RAB27B: variants seen among roughly 807,000 people sequenced by gnomAD.
RAB27B encodes the protein ras-related protein Rab-27B.
RAB27B carries 15 observed loss-of-function variants against 24.6 expected under a neutral mutation model. The ratio of observed to expected loss-of-function variants is 0.61; its 90% CI spans 0.41 to 0.94. The LOEUF (loss-of-function observed/expected upper bound fraction) is 0.94, where lower values mean the gene tolerates loss of function less well. RAB27B is among the 40% of genes least tolerant of loss of function. RAB27B has a pLI of 0.00. For missense variants in RAB27B, 261 were observed against 266.8 expected (o/e 0.98, Z 0.15); for synonymous variants, 105 against 92.5 (o/e 1.14, Z -0.78).
In RAB27B at chr18:54,865,529, T is replaced by C. The variant is rs73487399; in HGVS notation, c.-19-12038T>C. Among the ~76,000 whole-genome samples, 529 of 152,324 alleles carry C rather than the reference T, an allele frequency of 3.5e-3. 2 individuals carry two copies. Among genetic ancestry groups the C allele is most frequent in the African/African-American group, 0.012 (491 of 41,560 alleles). On this transcript the variant is annotated intron_variant, in intron 1 of 5. Transcript: ENST00000262094. ...TCCAACCATAAAAGAGTTATTCTTC[T>C]TTTGGCTTAATAAGCTGTAAATTGG...
upstream of RAB27B, among the ~76,000 whole-genome samples, chr18:54,824,979 A>G (rs187725970): frequency 6.6e-6 from 1 of 152,204 alleles, no homozygotes; most frequent in Non-Finnish European, 1.5e-5. Context: ...CTTGATTTAT[A>G]AGCTTGTTTG....
Position 54,813,404 on chromosome 18 carries a change from G to A in RAB27B, c.-19-64163G>A, listed in dbSNP as rs1910027546. Among the ~76,000 whole-genome samples, 4 of 152,188 alleles carry A rather than the reference G, an allele frequency of 2.6e-5. No individual in the cohort carries two copies. In the South Asian group the frequency reaches 8.3e-4, roughly 31 times the overall value. ...TTGAAATGTGATCCCCAGGTTGACAGTGGGATGTAGTGGGAGGTGTTGGGT... is the reference window on the plus strand; with the variant it reads ...TTGAAATGTGATCCCCAGGTTGACAATGGGATGTAGTGGGAGGTGTTGGGT... On this transcript the variant is annotated intron_variant, in intron 2 of 4. Transcript: ENST00000586570.
chr18:54,822,706 A>G (rs900412379), intron 2 of RAB27B, among the ~76,000 whole-genome samples: 1 of 152,088 alleles, frequency 6.6e-6, no homozygotes, highest in Non-Finnish European at 1.5e-5. Flanking sequence ...CTTCTCTTTA[A>G]CTAGTTTTTA....
At chr18:54,766,771 A>G (rs1045537562) in intron 2 of RAB27B, among the ~76,000 whole-genome samples, 19 of 152,182 alleles carry the variant, frequency 1.2e-4, no homozygotes, top group African/African-American at 4.3e-4. Flanking sequence ...CCCAGAGATA[A>G]TGAACTCAGG....
intron 2 of RAB27B, among the ~76,000 whole-genome samples, chr18:54,718,667 T>C (rs1909266165): frequency 6.6e-6 from 1 of 152,208 alleles, no homozygotes; most frequent in Admixed American, 6.5e-5. Flanking sequence ...CCACAGCTAG[T>C]AGATGGCACA....
At chr18:54,869,151 T>C (rs1912366482) in intron 1 of RAB27B, among the ~76,000 whole-genome samples, 1 of 152,238 alleles carries the variant, frequency 6.6e-6, no homozygotes, top group South Asian at 2.1e-4. Context: ...TAATACTAGC[T>C]CTTTGCTTTC....
chr18:54,892,160 A>G lies in RAB27B; in HGVS notation c.*2747A>G, dbSNP rs1486403013. ...ATGTCCTGTTACTAAGTATCTCCCAATGCTTTAGTAAAACGTATTTAGGAG... is the reference window on the plus strand; with the variant it reads ...ATGTCCTGTTACTAAGTATCTCCCAGTGCTTTAGTAAAACGTATTTAGGAG... On this transcript the variant is annotated 3_prime_UTR_variant, in exon 6 of 6. Transcript: ENST00000262094. The G allele has an allele frequency of 6.6e-6, 1 of 152,092 alleles. No homozygotes were observed. Among genetic ancestry groups the G allele is most frequent in the African/African-American group, 2.4e-5 (1 of 41,438 alleles). The allele number at this position is 152,092 out of a possible 1,614,324, so 9.4% of individuals were successfully genotyped here.
At chr18:54,758,739 C>G (rs1908088056) in intron 2 of RAB27B, among the ~76,000 whole-genome samples, 1 of 151,860 alleles carries the variant, frequency 6.6e-6, no homozygotes, top group Non-Finnish European at 1.5e-5. Flanking sequence ...CTCAGAAAAC[C>G]TCCCTGAAAT....
In RAB27B at chr18:54,889,409, G is replaced by A. The variant is rs1913277912; in HGVS notation, c.653G>A (p.Cys218Tyr). Residue 218 changes from cysteine (C) to tyrosine (Y), a missense_variant, in exon 6 of 6, where the codon TGC (cysteine) becomes TAC (tyrosine). By Grantham distance (194) the Cys-to-Tyr change is radical (BLOSUM62 -2). Transcript: ENST00000262094. ...AAGCCACCAGAGAAGAAATGTATCT[G>A]CTAGACTCTACATAGAAACTGAACA... ...GEKPPEKKCI[C>Y] 1.9e-6 allele frequency: 3 copies of A among 1,608,946 alleles called. No homozygotes were observed. The highest frequency in any genetic ancestry group is 2.2e-5 in the South Asian group (2 of 90,100).
intron 2 of RAB27B, among the ~76,000 whole-genome samples, chr18:54,791,813 C>T (rs1048333101): frequency 6.6e-6 from 1 of 152,138 alleles, no homozygotes; most frequent in Non-Finnish European, 1.5e-5. Flanking sequence ...CTAGAGCGCA[C>T]GCTGGCTGAA....
chr18:54,768,740 G>A (rs1410179624), intron 2 of RAB27B, among the ~76,000 whole-genome samples: 1 of 152,132 alleles, frequency 6.6e-6, no homozygotes, highest in Admixed American at 6.6e-5. Context: ...GGAGAAGCAG[G>A]CACCTTTGTC....
intron 2 of RAB27B, among the ~76,000 whole-genome samples, chr18:54,735,423 C>T (rs1346207854): frequency 6.6e-6 from 1 of 152,182 alleles, no homozygotes; most frequent in Non-Finnish European, 1.5e-5. Context: ...TTATCTGGGA[C>T]AGAGCTGTGC....
At chr18:54,769,552 TAGC>T (rs769108822) in intron 2 of RAB27B, among the ~76,000 whole-genome samples, 9 of 152,192 alleles carry the variant, frequency 5.9e-5, no homozygotes, top group Non-Finnish European at 1.0e-4. Flanking sequence ...TTGGTTTTGT[TAGC>T]AGCATATTTT....
chr18:54,889,099 C>A (rs1913260343), intron 5 of RAB27B, 125 bp from the exon 6 acceptor site: 2 of 936,942 alleles, frequency 2.1e-6, no homozygotes, highest in African/African-American at 1.7e-5. Flanking sequence ...ACTTAGCCAG[C>A]AAAACCATAA....
intron 1 of RAB27B, among the ~76,000 whole-genome samples, chr18:54,844,411 T>A (rs1472132044): frequency 8.1e-5 from 2 of 24,776 alleles, no homozygotes; most frequent in Non-Finnish European, 2.2e-4. Flanking sequence ...TTCTTTTCTT[T>A]TTTTTTTTTT....
intron 2 of RAB27B, among the ~76,000 whole-genome samples, chr18:54,718,722 G>C (rs926202455): frequency 1.3e-5 from 2 of 152,122 alleles, no homozygotes; most frequent in South Asian, 2.1e-4. Flanking sequence ...CTTTTTTCCT[G>C]TTCAAAAATA....
chr18:54,874,338 C>A (rs919054980), intron 1 of RAB27B, among the ~76,000 whole-genome samples: 2 of 152,158 alleles, frequency 1.3e-5, no homozygotes, highest in African/African-American at 4.8e-5. Flanking sequence ...CAGGATTTGA[C>A]TCATTTATCA....
chr18:54,758,645 A>AAAAAAAGGAAC (rs1225389945), intron 2 of RAB27B, among the ~76,000 whole-genome samples: 1 of 151,440 alleles, frequency 6.6e-6, no homozygotes, highest in East Asian at 1.9e-4. Flanking sequence ...TAAAAAAAAA[A>AAAAAAAGGAAC]AAAAAGGAAC....
chr18:54,788,802 G>A (rs1186940759), intron 2 of RAB27B, among the ~76,000 whole-genome samples: 1 of 147,642 alleles, frequency 6.8e-6, no homozygotes, highest in Non-Finnish European at 1.5e-5. Flanking sequence ...TTGTGTAGGA[G>A]CCTCTGCTTC....
Sources: allele counts gnomAD v4.1 joint callset (sites outside exome capture counted in the v4.1 genomes callset), GRCh38; gene constraint gnomAD v4.1.1; transcripts MANE v1.5; gene names NCBI Gene and HGNC (gene_info 2026-07-23, HGNC 2026-07-21).